EDA: variants seen among roughly 807,000 people sequenced by gnomAD.
EDA encodes the protein ectodysplasin A.
Under a neutral mutation model 23.6 loss-of-function variants are expected in EDA, and 2 were observed. The observed-to-expected ratio is 0.08, with a 90% confidence interval of 0.03 to 0.27. The LOEUF is 0.27. EDA is among the 10% of genes least tolerant of loss of function. The pLI is 1.00. For missense variants in EDA, 229 were observed against 324.2 expected, an observed-to-expected ratio of 0.71 and a Z score of 2.26; for synonymous variants, 131 against 132.0, an observed-to-expected ratio of 0.99 and a Z score of 0.05.
intron 2 of EDA, among the ~76,000 whole-genome samples, chrX:69,990,324 G>A (rs1223294631): frequency 1.9e-5 from 2 of 106,029 alleles, no homozygotes; most frequent in Non-Finnish European, 1.9e-5. Flanking sequence ...AGAGCTTCTC[G>A]TTACTGCTAG....
rs1005562947 is a variant in EDA at position 69,858,435 on chromosome X, A to G, written c.397-98592A>G. Among the ~76,000 whole-genome samples, 22 of 111,900 alleles carry G rather than the reference A, an allele frequency of 2.0e-4. No individual in the cohort carries two copies. In the Admixed American group the frequency reaches 2.1e-3, roughly 11 times the overall value. On this transcript the variant is annotated intron_variant, in intron 1 of 7. Coordinates refer to ENST00000374552, the MANE Select transcript of EDA (RefSeq NM_001399.5). ...AGTTTATTGAGTTTTTTTAAAAACC[A>G]TGAAGAGGTGTTGAATTTTATTGAA...
chrX:69,711,755 T>C (rs1349167193), intron 1 of EDA, among the ~76,000 whole-genome samples: 2 of 111,990 alleles, frequency 1.8e-5, no homozygotes, highest in Non-Finnish European at 3.8e-5. Context: ...TATCCATTTC[T>C]TCTAGATTTT....
At chrX:69,808,116 A>G (rs184580871) in intron 1 of EDA, among the ~76,000 whole-genome samples, 12 of 111,908 alleles carry the variant, frequency 1.1e-4, no homozygotes, top group Non-Finnish European at 2.1e-4. Flanking sequence ...AGCCAGTGAC[A>G]GCAACTGTAC....
At chrX:69,833,591 C>A (rs1411005817) in intron 1 of EDA, among the ~76,000 whole-genome samples, 1 of 110,323 alleles carries the variant, frequency 9.1e-6, no homozygotes, top group Non-Finnish European at 1.9e-5. Context: ...TCTTTTTCTA[C>A]TGATTGGAGT....
At chrX:69,746,578 A>G (rs1237344858) in intron 1 of EDA, among the ~76,000 whole-genome samples, 1 of 111,036 alleles carries the variant, frequency 9.0e-6, no homozygotes, top group African/African-American at 3.3e-5. Context: ...GCAGAAGGGA[A>G]GGGTATAAAT....
intron 1 of EDA, among the ~76,000 whole-genome samples, chrX:69,659,482 T>C (rs1933419491): frequency 8.9e-6 from 1 of 111,732 alleles, no homozygotes; most frequent in African/African-American, 3.3e-5. Context: ...TAATCAACAA[T>C]GTGACATGAA....
chrX:70,032,321 G>A (rs1368883116), intron 6 of EDA, among the ~76,000 whole-genome samples: 1 of 109,636 alleles, frequency 9.1e-6, no homozygotes, highest in African/African-American at 3.3e-5. Flanking sequence ...ACGTCATGCA[G>A]AGTGGTCCAT....
At chrX:69,838,679 T>A (rs1044727163) in intron 1 of EDA, among the ~76,000 whole-genome samples, 3 of 112,605 alleles carry the variant, frequency 2.7e-5, no homozygotes, top group African/African-American at 9.7e-5. Flanking sequence ...CAGGTCTGGG[T>A]CCTGCTACAG....
chrX:69,622,113 T>A (rs1932207941), intron 1 of EDA, among the ~76,000 whole-genome samples: 2 of 111,669 alleles, frequency 1.8e-5, no homozygotes, highest in South Asian at 7.6e-4. Context: ...ACAGTCTATT[T>A]ACTCTATTTT....
intron 1 of EDA, among the ~76,000 whole-genome samples, chrX:69,949,745 T>C (rs758938529): frequency 8.9e-6 from 1 of 111,979 alleles, no homozygotes; most frequent in African/African-American, 3.2e-5. Flanking sequence ...ATGTAGGTGT[T>C]GCCAATGTGG....
At position 70,033,507 on chromosome X, in the gene EDA, C is replaced by T. The variant is rs1156808794; in HGVS notation, c.903C>T (p.Tyr301=). 2 of 1,211,531 alleles carry T rather than the reference C, an allele frequency of 1.7e-6. No homozygotes were observed. The highest frequency in any genetic ancestry group is 2.2e-6 in the Non-Finnish European group (2 of 895,470). ...TGGAGGTACTGGTGGACGGCACCTA[C>T]TTCATCTATAGTCAGGTAGAAGTGA... is the stretch of plus-strand genomic sequence containing the variant. ...GELEVLVDGT[Y]FIYSQVEVYY... is the part of the protein sequence containing the mutation. Residue 301 remains tyrosine (Y), a synonymous_variant, in exon 7 of 8, where the codon TAC becomes TAT. Coordinates refer to ENST00000374552, the MANE Select transcript of EDA (RefSeq NM_001399.5).
At chrX:69,938,131 ACTC>A in intron 1 of EDA, 13 of 707,362 alleles carry the variant, frequency 1.8e-5, no homozygotes, top group East Asian at 3.7e-5. Context: ...CTGAGCTCTC[ACTC>A]CTCCTCCTCC....
At chrX:69,642,372 T>G (rs1489866874) in intron 1 of EDA, among the ~76,000 whole-genome samples, 5 of 111,433 alleles carry the variant, frequency 4.5e-5, no homozygotes, top group Admixed American at 1.9e-4. Context: ...TAAAAATACT[T>G]GATAAGCTGA....
At chrX:69,640,363 C>G in intron 1 of EDA, among the ~76,000 whole-genome samples, 1 of 111,783 alleles carries the variant, frequency 8.9e-6, no homozygotes, top group Non-Finnish European at 1.9e-5. Context: ...CAGTACACTT[C>G]CTGGCACATA....
chrX:69,943,274 A>C (rs1244063464), intron 1 of EDA, among the ~76,000 whole-genome samples: 1 of 111,017 alleles, frequency 9.0e-6, no homozygotes, highest in Non-Finnish European at 1.9e-5. Context: ...TTACGTATTG[A>C]CTAGTCTCCG....
intron 1 of EDA, among the ~76,000 whole-genome samples, chrX:69,691,691 T>A (rs1934714364): frequency 9.0e-6 from 1 of 111,637 alleles, no homozygotes; most frequent in Non-Finnish European, 1.9e-5. Context: ...ATAATTTGTT[T>A]CTTCTTAAAG....
chrX:69,709,086 C>A (rs1447521365), intron 1 of EDA, among the ~76,000 whole-genome samples: 7 of 112,085 alleles, frequency 6.2e-5, no homozygotes, highest in Non-Finnish European at 1.9e-5. Context: ...TGATGGTTCA[C>A]TGGGCTTTCC....
chrX:69,736,315 G>A (rs2013255832), intron 1 of EDA, among the ~76,000 whole-genome samples: 1 of 110,662 alleles, frequency 9.0e-6, no homozygotes, highest in Non-Finnish European at 1.9e-5. Context: ...CAAAAAAAAA[G>A]GACACCCACT....
At chrX:69,691,742 A>G (rs1044709649) in intron 1 of EDA, among the ~76,000 whole-genome samples, 2 of 111,774 alleles carry the variant, frequency 1.8e-5, no homozygotes, top group Admixed American at 9.5e-5. Context: ...TTTCTGAGAC[A>G]ATTCTGACCT....
Sources: gnomAD v4.1 joint callset for allele counts (sites outside exome capture counted in the v4.1 genomes callset) on GRCh38, gnomAD v4.1.1 for gene constraint, MANE v1.5 for transcripts, NCBI Gene and HGNC (gene_info 2026-07-23, HGNC 2026-07-21) for gene names.